PHOX2A: variants seen among roughly 807,000 people sequenced by gnomAD.
PHOX2A encodes the protein paired like homeobox 2A, also known as paired mesoderm homeobox protein 2A.
In PHOX2A, 10 loss-of-function variants were observed where a neutral mutation model predicts 16.4. That is an observed-to-expected ratio of 0.61 (90% CI 0.38 to 1.04). The LOEUF (loss-of-function observed/expected upper bound fraction) is 1.04, where lower values mean the gene tolerates loss of function less well. Ranked by LOEUF, PHOX2A falls within the 50% of genes least tolerant of loss-of-function variation. The pLI, the probability that PHOX2A is intolerant of heterozygous loss-of-function variation, is 0.01. For synonymous variants in PHOX2A, 219 were observed against 203.8 expected (o/e 1.07, Z -0.64); for missense variants, 361 against 419.4 (o/e 0.86, Z 1.22).
rs746865501 is a variant in PHOX2A at position 72,241,273 on chromosome 11, G to A, written c.234C>T (p.Phe78=). Residue 78 remains phenylalanine, a synonymous_variant, in exon 2 of 3, where the codon TTC becomes TTT. Transcript: ENST00000298231. ...APYSAVPYKF[F]PEPSGLHEKR... ...TCTCGTGCAGGCCGGATGGCTCTGGGAAGAACTTGTAGGGCACTGCGGGTG... is the reference window on the plus strand; with the variant it reads ...TCTCGTGCAGGCCGGATGGCTCTGGAAAGAACTTGTAGGGCACTGCGGGTG... 2.0e-6 allele frequency: 3 copies of A among 1,482,346 alleles called. No individual in the cohort carries two copies. The highest frequency in any genetic ancestry group is 1.5e-5 in the African/African-American group (1 of 66,108). The allele number at this position is 1,482,346 out of a possible 1,614,324, so 91.8% of individuals were successfully genotyped here.
intron 2 of PHOX2A, 33 bp from the exon 3 acceptor site, chr11:72,240,231 G>A (rs1419821390): frequency 1.3e-6 from 2 of 1,529,924 alleles, no homozygotes; most frequent in African/African-American, 1.4e-5. Flanking sequence ...GCCTGGACGA[G>A]GGTCGGAGAA....
chr11:72,242,770 C>T (rs763110470), intron 1 of PHOX2A, among the ~76,000 whole-genome samples: 2 of 152,166 alleles, frequency 1.3e-5, no homozygotes, highest in Non-Finnish European at 2.9e-5. Flanking sequence ...GATTCTCCTG[C>T]CTCAGACTCC....
rs1382912704 is a variant in PHOX2A at position 72,240,165 on chromosome 11, T to G, written c.439A>C (p.Lys147Gln). The change falls in exon 3 of 3, where the codon AAA becomes CAA. Residue 147 changes from lysine to glutamine, a missense_variant. Lys to Gln is a moderately conservative substitution (Grantham distance 53). This residue lies in a region of PHOX2A where 235 missense variants were observed against 263.8 expected (regional missense o/e 0.89). Transcript: ENST00000298231. ...WFQNRRAKFR[K>Q]QERAASAKGA... Reference sequence around the variant, plus strand: ...TTGGCGCTGGCCGCGCGCTCCTGTTTGCGGAACTTGGCCCGGCGGTTCTGG... The same window carrying G: ...TTGGCGCTGGCCGCGCGCTCCTGTTGGCGGAACTTGGCCCGGCGGTTCTGG... 3.3e-6 allele frequency: 5 copies of G among 1,535,458 alleles called. No individual in the cohort carries two copies. Among genetic ancestry groups the G allele is most frequent in the East Asian group, 2.5e-5 (1 of 40,812 alleles).
rs1949086794 is a variant in PHOX2A at position 72,239,212 on chromosome 11, C to T, written c.*537G>A. The T allele has an allele frequency of 6.6e-6, 1 of 152,616 alleles. No individual in the cohort carries two copies. 9.5% of individuals were successfully genotyped at this position (152,616 alleles called of 1,614,324 possible). A position where few individuals can be genotyped will look rare whatever the true frequency, so the allele number is the denominator to read the frequency against. Reference sequence around the variant, plus strand: ...CCATTCCCCAGGCAGCCCCTCCACTCCTCTAACAGGTCCACCCTCTGTGCC... The same window carrying T: ...CCATTCCCCAGGCAGCCCCTCCACTTCTCTAACAGGTCCACCCTCTGTGCC... On this transcript the variant is annotated 3_prime_UTR_variant, in exon 3 of 3. Transcript: ENST00000298231.
At chr11:72,240,225 G>C (rs1374455303) in intron 2 of PHOX2A, 27 bp from the exon 3 acceptor site, 1 of 1,530,956 alleles carries the variant, frequency 6.5e-7, no homozygotes, top group Admixed American at 2.0e-5. Flanking sequence ...CAGTCAGCCT[G>C]GACGAGGGTC....
At position 72,241,141 on chromosome 11, in the gene PHOX2A, C is replaced by T. The variant is rs1013168675; in HGVS notation, c.366G>A (p.Glu122=). Residue 122 remains glutamate (E), a synonymous_variant, in exon 2 of 3, where the codon GAG becomes GAA. Coordinates refer to ENST00000298231, the MANE Select transcript of PHOX2A (RefSeq NM_005169.4). ...CAGTGAGGTCGATCTTGAGCGCCAGCTCCTCACGCGTGTAAATGTCGGGGT... is the reference window on the plus strand; with the variant it reads ...CAGTGAGGTCGATCTTGAGCGCCAGTTCCTCACGCGTGTAAATGTCGGGGT... ...THYPDIYTRE[E]LALKIDLTEA... 1 of 1,614,092 alleles carries T rather than the reference C, an allele frequency of 6.2e-7. No individual in the cohort carries two copies.
At chr11:72,241,789 C>T (rs1016117287) in intron 1 of PHOX2A, among the ~76,000 whole-genome samples, 5 of 151,834 alleles carry the variant, frequency 3.3e-5, no homozygotes, top group African/African-American at 4.8e-5. Context: ...ACCCTCCCAC[C>T]GGCCCTCCTT....
At position 72,239,944 on chromosome 11, in the gene PHOX2A, A is replaced by C. The variant is rs1318399914; in HGVS notation, c.660T>G (p.Pro220=). 2.3e-6 allele frequency: 3 copies of C among 1,298,092 alleles called. No individual in the cohort carries two copies. The highest frequency in any genetic ancestry group is 5.6e-5 in the South Asian group (2 of 35,898). 80.4% of individuals were successfully genotyped at this position (1,298,092 alleles called of 1,614,324 possible). A position where few individuals can be genotyped will look rare whatever the true frequency, so the allele number is the denominator to read the frequency against. Residue 220 remains proline, a synonymous_variant, in exon 3 of 3, where the codon CCT becomes CCG. Transcript: ENST00000298231. The part of the protein sequence containing the change: ...LPVALGSGPG[P]GPGPQPLKGA... Reference sequence around the variant, plus strand: ...CCTTGAGCGGCTGTGGCCCCGGCCCAGGTCCCGGCCCGGAGCCCAGTGCGA... The same window carrying C: ...CCTTGAGCGGCTGTGGCCCCGGCCCCGGTCCCGGCCCGGAGCCCAGTGCGA...
Position 72,241,126 on chromosome 11 carries a change from G to C in PHOX2A, c.381C>G (p.Ile127Met). 1.2e-6 allele frequency: 2 copies of C among 1,614,030 alleles called. No homozygotes were observed. The highest frequency in any genetic ancestry group is 1.7e-6 in the Non-Finnish European group (2 of 1,180,034). ...IYTREELALK[I>M]DLTEARVQVW... ...CCTGCACGCGAGCCTCAGTGAGGTC[G>C]ATCTTGAGCGCCAGCTCCTCACGCG... Residue 127 changes from isoleucine (I) to methionine (M), a missense_variant, in exon 2 of 3, where the codon ATC (isoleucine) becomes ATG (methionine). By Grantham distance (10) the Ile-to-Met change is conservative. Around this residue, in one of 3 missense-constraint regions of PHOX2A, gnomAD observed 235 missense variants for 263.8 expected, o/e 0.89. Coordinates refer to ENST00000298231, the MANE Select transcript of PHOX2A (RefSeq NM_005169.4).
chr11:72,243,662 G>C (rs892151141), intron 1 of PHOX2A, 126 bp downstream of exon 1: 3 of 444,256 alleles, frequency 6.8e-6, no homozygotes. Context: ...GGGTCTCTCG[G>C]GGCATTGGAG....
At position 72,241,085 on chromosome 11, in the gene PHOX2A, C is replaced by T; in HGVS notation, c.405+17G>A. 6.2e-7 allele frequency: 1 copy of T among 1,612,828 alleles called. No individual in the cohort carries two copies. The highest frequency in any genetic ancestry group is 8.5e-7 in the Non-Finnish European group (1 of 1,179,256). The stretch of plus-strand genomic sequence containing the variant: ...CCTTCCATGCGCACTCTCGTACACA[C>T]ACGTGCATACACGCACCTGCACGCG... On this transcript the variant is annotated intron_variant, in intron 2 of 2. Coordinates refer to ENST00000298231, the MANE Select transcript of PHOX2A (RefSeq NM_005169.4).
intron 2 of PHOX2A, among the ~76,000 whole-genome samples, chr11:72,240,450 G>C (rs1392254243): frequency 6.6e-6 from 1 of 152,196 alleles, no homozygotes; most frequent in Admixed American, 6.5e-5. Context: ...CAGCACTCTT[G>C]GTCTCCCGGA....
rs200556921 is a variant in PHOX2A, at chr11:72,240,115, GGCGCCCGCC to G, written c.480_488del (p.Ala161_Ala163del). 2.7e-3 allele frequency: 4,118 copies of G among 1,532,060 alleles called. 68 individuals are homozygous for G. In the African/African-American group the frequency reaches 0.045, roughly 17 times the overall value. The allele number at this position is 1,532,060 out of a possible 1,614,324, so 94.9% of individuals were successfully genotyped here. Reference sequence around the variant, plus strand: ...AGGAGCAGCGCGCCTCGCCCTTTTTGGCGCCCGCCGCGCCCGCCGCGCCCTTGGCGCTGG... The same window carrying G: ...AGGAGCAGCGCGCCTCGCCCTTTTTGGCGCCCGCCGCGCCCTTGGCGCTGG... On this transcript the variant is annotated inframe_deletion, in exon 3 of 3. Coordinates refer to ENST00000298231, the MANE Select transcript of PHOX2A (RefSeq NM_005169.4).
In PHOX2A at chr11:72,243,882, A is replaced by G. The variant is rs974698074; in HGVS notation, c.123T>C (p.Ala41=). 1.0e-5 allele frequency: 13 copies of G among 1,279,146 alleles called. No individual in the cohort carries two copies. The highest frequency in any genetic ancestry group is 2.9e-5 in the South Asian group (1 of 34,316). 79.2% of individuals were successfully genotyped at this position (1,279,146 alleles called of 1,614,324 possible). A position where few individuals can be genotyped will look rare whatever the true frequency, so the allele number is the denominator to read the frequency against. Residue 41 remains alanine (A), a synonymous_variant, in exon 1 of 3, where the codon GCT becomes GCC. Coordinates refer to ENST00000298231, the MANE Select transcript of PHOX2A (RefSeq NM_005169.4). ...GGFQYSPLRP[A]FPAAGPPCPA... ...GGCAGGGCGGCCCTGCCGCGGGGAA[A>G]GCGGGCCGCAGGGGGCTGTATTGGA...
chr11:72,243,371 G>A (rs952819747), intron 1 of PHOX2A, among the ~76,000 whole-genome samples: 2 of 152,142 alleles, frequency 1.3e-5, no homozygotes, highest in African/African-American at 2.4e-5. Context: ...AGAGGTCCTT[G>A]CTGGGGGTCA....
chr11:72,241,532 C>T (rs897366562), intron 1 of PHOX2A, among the ~76,000 whole-genome samples: 1 of 151,856 alleles, frequency 6.6e-6, no homozygotes. Flanking sequence ...AAGGGGAAAG[C>T]ATAATCCAAT....
Position 72,244,060 on chromosome 11 carries a change from G to T in PHOX2A, c.-56C>A. The T allele has an allele frequency of 4.6e-6, 4 of 876,352 alleles. No individual in the cohort carries two copies. The allele number at this position is 876,352 out of a possible 1,614,324, so 54.3% of individuals were successfully genotyped here. On this transcript the variant is annotated 5_prime_UTR_variant, in exon 1 of 3. Transcript: ENST00000298231. Reference sequence around the variant, plus strand: ...CAGGCCGGGTCGGGGTCGGGGTCCGGGTGGAGGTCGGAAGGGAGGTTCGAG... The same window carrying T: ...CAGGCCGGGTCGGGGTCGGGGTCCGTGTGGAGGTCGGAAGGGAGGTTCGAG...
intron 1 of PHOX2A, 23 bp from the exon 2 acceptor site, chr11:72,241,312 CGGGGGGGGGG>C: frequency 2.5e-6 from 1 of 399,390 alleles, no homozygotes; most frequent in Non-Finnish European, 3.9e-6. Context: ...GCAGGGGGGC[CGGGGGGGGGG>C]CAAAAAGGAT....
At chr11:72,241,548 A>G (rs1181319577) in intron 1 of PHOX2A, among the ~76,000 whole-genome samples, 3 of 151,360 alleles carry the variant, frequency 2.0e-5, no homozygotes, top group Non-Finnish European at 2.9e-5. Flanking sequence ...CCAATACTCC[A>G]GCCAAGACAC....
Sources: gnomAD v4.1 joint callset for allele counts (sites outside exome capture counted in the v4.1 genomes callset) on GRCh38, gnomAD v4.1.1 for gene constraint, gnomAD v4.1.1 regional missense constraint, MANE v1.5 for transcripts, NCBI Gene and HGNC (gene_info 2026-07-23, HGNC 2026-07-21) for gene names.